The following CRTC1 variants were observed in gnomAD, a reference collection of about 807,000 sequenced individuals.
The protein encoded by CRTC1 is CREB-regulated transcription coactivator 1.
A neutral mutation model predicts 66.1 loss-of-function variants in CRTC1; 18 were observed. That is an observed-to-expected ratio of 0.27 (90% confidence interval 0.19 to 0.40). The LOEUF is 0.40. CRTC1 is among the 10% of genes least tolerant of loss of function. The pLI is 1.00. For missense variants in CRTC1, 669 were observed against 887.9 expected, an observed-to-expected ratio of 0.75 and a Z score of 3.13; for synonymous variants, 416 against 398.8, an observed-to-expected ratio of 1.04 and a Z score of -0.51.
chr19:18,765,359 G>A (rs765308047), intron 8 of CRTC1, 45 bp from the exon 9 acceptor site: 1 of 1,573,392 alleles, frequency 6.4e-7, no homozygotes, highest in Non-Finnish European at 8.7e-7. Flanking sequence ...CTTTCTCAGT[G>A]ATCAGTCTCA....
At chr19:18,700,834 G>A (rs2053118871) in intron 1 of CRTC1, among the ~76,000 whole-genome samples, 1 of 152,214 alleles carries the variant, frequency 6.6e-6, no homozygotes, top group Non-Finnish European at 1.5e-5. Flanking sequence ...TCGGAACCTC[G>A]GAGGGGCTCT....
At chr19:18,705,796 TA>T (rs1386268118) in intron 1 of CRTC1, among the ~76,000 whole-genome samples, 2 of 51,942 alleles carry the variant, frequency 3.9e-5, no homozygotes, top group Middle Eastern at 5.4e-3. Flanking sequence ...CTAATCCTAA[TA>T]TTTTTTTTTT....
chr19:18,690,923 G>A (rs1462757445), intron 1 of CRTC1, among the ~76,000 whole-genome samples: 1 of 151,914 alleles, frequency 6.6e-6, no homozygotes, highest in Non-Finnish European at 1.5e-5. Flanking sequence ...CTACTCGGGA[G>A]GCTGAGGCAG....
At chr19:18,757,061 G>GT (rs1491274112) in intron 6 of CRTC1, among the ~76,000 whole-genome samples, 1 of 152,222 alleles carries the variant, frequency 6.6e-6, no homozygotes, top group Admixed American at 6.5e-5. Context: ...CCCCCTCACG[G>GT]TGTGTGCATT....
At chr19:18,724,190 G>A (rs2053691753) in intron 1 of CRTC1, among the ~76,000 whole-genome samples, 1 of 152,156 alleles carries the variant, frequency 6.6e-6, no homozygotes, top group Admixed American at 6.5e-5. Flanking sequence ...TGCAGATGGT[G>A]AGGCCCCAGG....
chr19:18,735,774 G>A (rs1270944099), intron 1 of CRTC1: 1 of 153,108 alleles, frequency 6.5e-6, no homozygotes, highest in Non-Finnish European at 1.5e-5. Context: ...AGGCTCCCCA[G>A]TGCTGTGTCT....
intron 9 of CRTC1, among the ~76,000 whole-genome samples, chr19:18,765,979 C>G (rs565886196): frequency 6.6e-6 from 1 of 152,112 alleles, no homozygotes; most frequent in East Asian, 1.9e-4. Context: ...AGAAAAAACT[C>G]AAGAGGTTAG....
intron 1 of CRTC1, among the ~76,000 whole-genome samples, chr19:18,698,130 A>T (rs1051120515): frequency 6.6e-6 from 1 of 151,732 alleles, no homozygotes; most frequent in East Asian, 1.9e-4. Flanking sequence ...TGTGTTCTGC[A>T]GGCGCTCAGC....
In CRTC1 at chr19:18,703,660, G is replaced by A. The variant is rs540107041; in HGVS notation, c.126+19832G>A. On this transcript the variant is annotated intron_variant, in intron 1 of 13. Coordinates refer to ENST00000321949, the MANE Select transcript of CRTC1 (RefSeq NM_015321.3). The stretch of plus-strand genomic sequence containing the variant: ...GCGTTTTTAGTAGAGATGGTGTTTC[G>A]CTGTGTTGACCAGGCTGGTCTTGAA... Among the ~76,000 whole-genome samples the A allele has an allele frequency of 1.3e-4, 20 of 151,856 alleles. No individual in the cohort carries two copies. The East Asian group carries it at 3.7e-3, about 28-fold the overall frequency.
intron 1 of CRTC1, among the ~76,000 whole-genome samples, chr19:18,707,827 T>G (rs1001985974): frequency 6.6e-5 from 10 of 152,222 alleles, no homozygotes; most frequent in African/African-American, 2.4e-4. Flanking sequence ...AGATCCTGTC[T>G]CTATTTAAAA....
At chr19:18,772,854 G>A (rs572276114) in intron 11 of CRTC1, among the ~76,000 whole-genome samples, 2 of 152,330 alleles carry the variant, frequency 1.3e-5, no homozygotes, top group South Asian at 4.1e-4. Context: ...CTCGTCGTGT[G>A]GTACTGTTGG....
At chr19:18,762,725 C>T (rs530485986) in intron 8 of CRTC1, among the ~76,000 whole-genome samples, 19 of 152,354 alleles carry the variant, frequency 1.2e-4, no homozygotes, top group Admixed American at 1.2e-3. Flanking sequence ...GTGCCTGTTC[C>T]CAAAGGTGAG....
intron 6 of CRTC1, among the ~76,000 whole-genome samples, chr19:18,758,939 T>G (rs922152140): frequency 1.3e-5 from 2 of 152,170 alleles, no homozygotes; most frequent in African/African-American, 4.8e-5. Context: ...TAGCCTCGGG[T>G]ACCAGGGCTT....
At position 18,745,912 on chromosome 19, in the gene CRTC1, C is replaced by T. The variant is rs769742666; in HGVS notation, c.333C>T (p.Leu111=). Residue 111 remains leucine (L), a synonymous_variant, in exon 3 of 14, where the codon CTC becomes CTT. Coordinates refer to ENST00000321949, the MANE Select transcript of CRTC1 (RefSeq NM_015321.3). ...VDRVYRERGR[L]GSPHRRPLSV... is the part of the protein sequence containing the mutation. ...GGGTGTACCGGGAGCGTGGCCGGCTCGGCTCCCCACACCGCCGGCCCCTGT... is the reference window on the plus strand; with the variant it reads ...GGGTGTACCGGGAGCGTGGCCGGCTTGGCTCCCCACACCGCCGGCCCCTGT... The T allele has an allele frequency of 3.1e-5, 50 of 1,612,890 alleles. No individual in the cohort carries two copies. The highest frequency in any genetic ancestry group is 1.6e-4 in the Middle Eastern group (1 of 6,080).
At chr19:18,719,922 C>T (rs1021098383) in intron 1 of CRTC1, among the ~76,000 whole-genome samples, 13 of 152,212 alleles carry the variant, frequency 8.5e-5, no homozygotes, top group South Asian at 8.3e-4. Context: ...ATGTGGGCAG[C>T]GTCGGCGTCG....
chr19:18,755,900 C>T (rs1376571605), intron 6 of CRTC1, among the ~76,000 whole-genome samples: 1 of 152,048 alleles, frequency 6.6e-6, no homozygotes, highest in East Asian at 1.9e-4. Flanking sequence ...CCTCGCCTGG[C>T]CTATTTTTTA....
intron 1 of CRTC1, among the ~76,000 whole-genome samples, chr19:18,742,694 C>T (rs2054137206): frequency 6.6e-6 from 1 of 152,234 alleles, no homozygotes; most frequent in Non-Finnish European, 1.5e-5. Flanking sequence ...CATTGCCCCG[C>T]CTGGGGAGCC....
intron 10 of CRTC1, among the ~76,000 whole-genome samples, chr19:18,770,810 A>G (rs1298417149): frequency 6.8e-6 from 1 of 146,274 alleles, no homozygotes; most frequent in Non-Finnish European, 1.5e-5. Context: ...GTGGGTGTGT[A>G]CATGCGTGGG....
rs1258044563 is a variant in CRTC1, at chr19:18,780,954, G to C, written c.*3572G>C. On this transcript the variant is annotated 3_prime_UTR_variant, in exon 14 of 14. Transcript: ENST00000321949. ...AAACTCGGGCTGCGACCTGCTTCCT[G>C]AGTTTTCTGTATTTCCAAGGAGCCC... is the stretch of plus-strand genomic sequence containing the variant. The C allele has an allele frequency of 1.3e-5, 3 of 223,598 alleles. No homozygotes were observed. The highest frequency in any genetic ancestry group is 2.7e-5 in the Non-Finnish European group (3 of 112,130). 13.9% of individuals were successfully genotyped at this position (223,598 alleles called of 1,614,324 possible). A position where few individuals can be genotyped will look rare whatever the true frequency, so the allele number is the denominator to read the frequency against.
Sources: gnomAD v4.1 joint callset for allele counts (sites outside exome capture counted in the v4.1 genomes callset) on GRCh38, gnomAD v4.1.1 for gene constraint, MANE v1.5 for transcripts, NCBI Gene and HGNC (gene_info 2026-07-23, HGNC 2026-07-21) for gene names.